Variants in DOCK3 observed in about 807,000 individuals in gnomAD.
DOCK3 encodes the protein dedicator of cytokinesis protein 3.
Under a neutral mutation model 265.6 loss-of-function variants are expected in DOCK3, and 60 were observed. That is an observed-to-expected ratio of 0.23 (90% confidence interval 0.18 to 0.28). The LOEUF (loss-of-function observed/expected upper bound fraction) is 0.28, where lower values mean the gene tolerates loss of function less well. Ranked by LOEUF, DOCK3 falls within the 10% of genes least tolerant of loss-of-function variation. DOCK3 has a pLI of 1.00. For missense variants in DOCK3, 1,981 were observed against 2,594.3 expected (o/e 0.76, Z 5.14); for synonymous variants, 881 against 938.0 (o/e 0.94, Z 1.11).
At chr3:50,678,876 C>G (rs2034179206) in intron 1 of DOCK3, among the ~76,000 whole-genome samples, 1 of 151,914 alleles carries the variant, frequency 6.6e-6, no homozygotes, top group Non-Finnish European at 1.5e-5. Flanking sequence ...GTGGCGTGAT[C>G]TCGGCTCACT....
intron 4 of DOCK3, among the ~76,000 whole-genome samples, chr3:50,918,055 C>T (rs576614491): frequency 8.3e-4 from 127 of 152,120 alleles, no homozygotes; most frequent in Non-Finnish European, 1.5e-3. Flanking sequence ...TGATGGTTTC[C>T]AGCTTCATCC....
chr3:50,923,832 G>A (rs534595411), intron 4 of DOCK3, among the ~76,000 whole-genome samples: 3 of 152,258 alleles, frequency 2.0e-5, no homozygotes, highest in East Asian at 3.9e-4. Context: ...GCAGAGGGAT[G>A]CTGTAGTCTT....
chr3:51,090,618 G>A (rs919654592), intron 9 of DOCK3, among the ~76,000 whole-genome samples: 5 of 152,260 alleles, frequency 3.3e-5, no homozygotes, highest in African/African-American at 1.2e-4. Flanking sequence ...TCAAAATCGA[G>A]TCTTGGCTAT....
At chr3:50,823,760 C>T (rs1325680480) in intron 2 of DOCK3, among the ~76,000 whole-genome samples, 1 of 152,182 alleles carries the variant, frequency 6.6e-6, no homozygotes, top group Non-Finnish European at 1.5e-5. Context: ...AGGCGCCCCT[C>T]ACCTCCCAGA....
chr3:50,827,068 C>T (rs2044801135), intron 2 of DOCK3, among the ~76,000 whole-genome samples: 1 of 152,010 alleles, frequency 6.6e-6, no homozygotes, highest in South Asian at 2.1e-4. Flanking sequence ...TGTGAAATTT[C>T]AGAATATTGG....
At chr3:50,727,803 A>C (rs564805131) in intron 1 of DOCK3, among the ~76,000 whole-genome samples, 1 of 152,374 alleles carries the variant, frequency 6.6e-6, no homozygotes, top group South Asian at 2.1e-4. Flanking sequence ...AGCTATAAGC[A>C]AAACAAGCTA....
rs146079437 is a variant in DOCK3 at position 50,982,988 on chromosome 3, C to G, written c.315+48911C>G. Among the ~76,000 whole-genome samples the G allele has an allele frequency of 4.8e-3, 738 of 152,330 alleles. 4 individuals carry two copies. Among genetic ancestry groups the G allele is most frequent in the Non-Finnish European group, 7.7e-3 (522 of 68,008 alleles). ...TCCCCAACAGGTTCAAGGGTTTCTGCTCTCACTGCCTGGCCTCTCCCTGTC... is the reference window on the plus strand; with the variant it reads ...TCCCCAACAGGTTCAAGGGTTTCTGGTCTCACTGCCTGGCCTCTCCCTGTC... On this transcript the variant is annotated intron_variant, in intron 5 of 52. Coordinates refer to ENST00000266037, the MANE Select transcript of DOCK3 (RefSeq NM_004947.5).
At chr3:51,371,022 A>G (rs2087638483) in intron 49 of DOCK3, among the ~76,000 whole-genome samples, 1 of 152,226 alleles carries the variant, frequency 6.6e-6, no homozygotes, top group Non-Finnish European at 1.5e-5. Context: ...GCATTCCAAG[A>G]GACCCAGGAA....
intron 5 of DOCK3, among the ~76,000 whole-genome samples, chr3:51,054,639 T>G (rs1019930990): frequency 2.6e-5 from 4 of 152,214 alleles, no homozygotes; most frequent in African/African-American, 9.6e-5. Flanking sequence ...TTTCTTACAT[T>G]TTGTCTCCCA....
At chr3:50,681,965 A>G (rs2034446738) in intron 1 of DOCK3, among the ~76,000 whole-genome samples, 1 of 152,242 alleles carries the variant, frequency 6.6e-6, no homozygotes, top group Non-Finnish European at 1.5e-5. Flanking sequence ...GGGACAGCCC[A>G]TTTTATTGTT....
chr3:50,700,813 T>C (rs1350619468), intron 1 of DOCK3, among the ~76,000 whole-genome samples: 1 of 152,216 alleles, frequency 6.6e-6, no homozygotes, highest in African/African-American at 2.4e-5. Flanking sequence ...GTGAGATTGC[T>C]AGACCATATG....
At chr3:50,895,456 G>A (rs571810673) in intron 4 of DOCK3, among the ~76,000 whole-genome samples, 80 of 151,744 alleles carry the variant, frequency 5.3e-4, no homozygotes, top group African/African-American at 5.6e-4. Flanking sequence ...TACATAGGCC[G>A]TCATAAACTG....
intron 27 of DOCK3, among the ~76,000 whole-genome samples, chr3:51,284,575 G>A (rs1025466319): frequency 6.6e-6 from 1 of 152,182 alleles, no homozygotes; most frequent in Non-Finnish European, 1.5e-5. Flanking sequence ...ATGCAGCTCC[G>A]ATTTTTCTCT....
Position 51,381,797 on chromosome 3 carries a change from G to T in DOCK3, c.*238G>T. ...ATTTTTTTACATTTCCATTTCTATG[G>T]GTTTTCCTTTCTTTCCTTTATGCAG... On this transcript the variant is annotated 3_prime_UTR_variant, in exon 53 of 53. Transcript: ENST00000266037. This position sits in a 1 kb window ranked among gnomAD's most constrained non-coding sequence, Gnocchi z 5.6. 1 of 471,888 alleles carries T rather than the reference G, an allele frequency of 2.1e-6. No individual in the cohort carries two copies. The highest frequency in any genetic ancestry group is 5.1e-5 in the South Asian group (1 of 19,452). 29.2% of individuals were successfully genotyped at this position (471,888 alleles called of 1,614,324 possible). A position where few individuals can be genotyped will look rare whatever the true frequency, so the allele number is the denominator to read the frequency against.
intron 5 of DOCK3, among the ~76,000 whole-genome samples, chr3:51,059,115 G>T (rs1434108433): frequency 1.3e-5 from 2 of 151,958 alleles, no homozygotes; most frequent in Non-Finnish European, 2.9e-5. Flanking sequence ...AGTGTCTATT[G>T]TTGTTGTTTT....
chr3:50,812,831 C>T (rs1295252044), intron 2 of DOCK3, among the ~76,000 whole-genome samples: 1 of 152,198 alleles, frequency 6.6e-6, no homozygotes, highest in African/African-American at 2.4e-5. Context: ...CAAGTTGACA[C>T]ATAATAGTAA....
At chr3:50,799,122 T>C (rs1352857288) in intron 2 of DOCK3, among the ~76,000 whole-genome samples, 3 of 152,198 alleles carry the variant, frequency 2.0e-5, no homozygotes, top group African/African-American at 7.2e-5. Flanking sequence ...TTGGTTACTA[T>C]TGCTTTGTAG....
At chr3:50,869,194 T>C (rs2047305132) in intron 3 of DOCK3, among the ~76,000 whole-genome samples, 1 of 151,474 alleles carries the variant, frequency 6.6e-6, no homozygotes. Flanking sequence ...CAGGATGGTC[T>C]GGATCTCCTG....
intron 5 of DOCK3, among the ~76,000 whole-genome samples, chr3:51,051,760 G>C (rs1169501147): frequency 6.6e-6 from 1 of 152,158 alleles, no homozygotes; most frequent in Non-Finnish European, 1.5e-5. Context: ...GACTGTACAA[G>C]CAAGGCCTTG....
Sources: allele counts gnomAD v4.1 joint callset (sites outside exome capture counted in the v4.1 genomes callset), GRCh38; gene constraint gnomAD v4.1.1; non-coding constraint Gnocchi (gnomAD v3.1); transcripts MANE v1.5; gene names NCBI Gene and HGNC (gene_info 2026-07-23, HGNC 2026-07-21).